POU6F2: variants seen among roughly 807,000 people sequenced by gnomAD.
The protein encoded by POU6F2 is POU class 6 homeobox 2.
Under a neutral mutation model 71.3 loss-of-function variants are expected in POU6F2, and 31 were observed. The ratio of observed to expected loss-of-function variants is 0.43; its 90% CI spans 0.33 to 0.59. POU6F2 has a LOEUF of 0.59. POU6F2 is among the 20% of genes least tolerant of loss of function. The probability of loss-of-function intolerance (pLI) is 0.04; values close to 1 mark genes in which losing one functional copy is unlikely to be tolerated. For missense variants in POU6F2, 783 were observed against 856.8 expected (o/e 0.91, Z 1.07); for synonymous variants, 347 against 355.7 (o/e 0.98, Z 0.27).
chr7:39,183,202 G>A (rs1793469230), intron 2 of POU6F2, among the ~76,000 whole-genome samples: 1 of 152,188 alleles, frequency 6.6e-6, no homozygotes, highest in African/African-American at 2.4e-5. Context: ...AGAATCTAAT[G>A]CCTGATGATC....
intron 4 of POU6F2, among the ~76,000 whole-genome samples, chr7:39,309,803 A>G (rs1378531227): frequency 6.6e-6 from 1 of 152,170 alleles, no homozygotes; most frequent in Non-Finnish European, 1.5e-5. Flanking sequence ...TTTTTTCTCT[A>G]TAGCTCCTCC....
At chr7:39,054,190 C>T (rs1245672786) in intron 1 of POU6F2, among the ~76,000 whole-genome samples, 2 of 152,086 alleles carry the variant, frequency 1.3e-5, no homozygotes, top group Admixed American at 6.6e-5. Context: ...AAAACTACCA[C>T]AAGGTACTTT....
intron 5 of POU6F2, 186 bp from the exon 6 acceptor site, chr7:39,406,414 C>A: frequency 1.6e-6 from 1 of 631,926 alleles, no homozygotes; most frequent in Non-Finnish European, 2.7e-6. Context: ...TCCTTCCAGC[C>A]TCGTTTCCAT....
intron 2 of POU6F2, among the ~76,000 whole-genome samples, chr7:39,154,472 A>C (rs184254834): frequency 1.3e-5 from 2 of 152,334 alleles, no homozygotes; most frequent in East Asian, 3.9e-4. Context: ...TTATGTGCTC[A>C]TGTGTCTGAG....
At chr7:39,059,939 G>A (rs1790619147) in intron 1 of POU6F2, among the ~76,000 whole-genome samples, 1 of 152,194 alleles carries the variant, frequency 6.6e-6, no homozygotes, top group South Asian at 2.1e-4. Flanking sequence ...GGCCAGGTGC[G>A]GTGGCTCAGA....
chr7:39,229,457 G>A (rs140697115), intron 4 of POU6F2, among the ~76,000 whole-genome samples: 1 of 152,316 alleles, frequency 6.6e-6, no homozygotes, highest in African/African-American at 2.4e-5. Flanking sequence ...AAGTCCCAAT[G>A]CACTTGCTCA....
intron 4 of POU6F2, among the ~76,000 whole-genome samples, chr7:39,222,225 G>T (rs991881958): frequency 6.6e-6 from 1 of 152,058 alleles, no homozygotes; most frequent in African/African-American, 2.4e-5. Flanking sequence ...TCCACAAAGG[G>T]TATTTGCAGA....
intron 4 of POU6F2, among the ~76,000 whole-genome samples, chr7:39,265,940 T>G (rs972599940): frequency 1.3e-5 from 2 of 152,208 alleles, no homozygotes; most frequent in Non-Finnish European, 2.9e-5. Context: ...CCCTTATCAG[T>G]TAAAGTCTGT....
chr7:39,414,293 A>G (rs1182135558), intron 6 of POU6F2, among the ~76,000 whole-genome samples: 1 of 152,224 alleles, frequency 6.6e-6, no homozygotes, highest in Admixed American at 6.5e-5. Flanking sequence ...TTTTGAGGGC[A>G]CACACCTACA....
At chr7:39,020,902 G>A in intron 1 of POU6F2, among the ~76,000 whole-genome samples, 1 of 151,618 alleles carries the variant, frequency 6.6e-6, no homozygotes, top group East Asian at 1.9e-4. Flanking sequence ...ATTGCCACCT[G>A]CTTTCCTTCT....
At chr7:39,207,712 A>G in intron 4 of POU6F2, 92 bp downstream of exon 4, 1 of 1,251,154 alleles carries the variant, frequency 8.0e-7, no homozygotes, top group Admixed American at 2.1e-5. Context: ...AGAATGGTGA[A>G]TGTGGTTCAG....
intron 4 of POU6F2, among the ~76,000 whole-genome samples, chr7:39,248,858 C>T (rs1783866836): frequency 6.6e-6 from 1 of 152,170 alleles, no homozygotes; most frequent in Non-Finnish European, 1.5e-5. Flanking sequence ...CCGACTTTGC[C>T]CATCTTGCTC....
chr7:39,038,139 CTCTT>C (rs1343906026), intron 1 of POU6F2, among the ~76,000 whole-genome samples: 1 of 152,018 alleles, frequency 6.6e-6, no homozygotes, highest in African/African-American at 2.4e-5. Context: ...TGGAGTTTCT[CTCTT>C]TTGTCATAGG....
chr7:39,365,169 T>C (rs1045585973), intron 5 of POU6F2, among the ~76,000 whole-genome samples: 2 of 152,186 alleles, frequency 1.3e-5, no homozygotes, highest in Non-Finnish European at 1.5e-5. Flanking sequence ...AACAGCATGG[T>C]ACTGGTATAA....
At chr7:39,293,416 AGTTAT>A (rs2128762732) in intron 4 of POU6F2, among the ~76,000 whole-genome samples, 1 of 152,352 alleles carries the variant, frequency 6.6e-6, no homozygotes, top group South Asian at 2.1e-4. Context: ...AGAAAGATGT[AGTTAT>A]CTGCAGTCTA....
chr7:39,259,856 C>T (rs935860093), intron 4 of POU6F2, among the ~76,000 whole-genome samples: 2 of 151,992 alleles, frequency 1.3e-5, no homozygotes, highest in African/African-American at 2.4e-5. Context: ...AGACAGAGCC[C>T]AGACGCCCAG....
At chr7:39,033,715 C>T (rs2128709970) in intron 1 of POU6F2, among the ~76,000 whole-genome samples, 1 of 152,190 alleles carries the variant, frequency 6.6e-6, no homozygotes, top group South Asian at 2.1e-4. Context: ...ACGTGCAGTC[C>T]CTTGAAACTT....
At chr7:39,050,318 C>T (rs138595465) in intron 1 of POU6F2, among the ~76,000 whole-genome samples, 49 of 152,142 alleles carry the variant, frequency 3.2e-4, no homozygotes, top group African/African-American at 1.0e-3. Context: ...CAAAATCTCC[C>T]GCTGAGTTGA....
intron 4 of POU6F2, among the ~76,000 whole-genome samples, chr7:39,278,364 G>A (rs184282804): frequency 7.2e-5 from 11 of 152,262 alleles, no homozygotes; most frequent in South Asian, 2.1e-4. Context: ...GCATGGTGTT[G>A]GGGGTAAGGG....
Sources: gnomAD v4.1 joint callset for allele counts (sites outside exome capture counted in the v4.1 genomes callset) on GRCh38, gnomAD v4.1.1 for gene constraint, MANE v1.5 for transcripts, NCBI Gene and HGNC (gene_info 2026-07-23, HGNC 2026-07-21) for gene names.